FAM186B: variants seen among roughly 807,000 people sequenced by gnomAD.
FAM186B encodes family with sequence similarity 186 member B, also known as protein FAM186B.
A neutral mutation model predicts 83.4 loss-of-function variants in FAM186B; 68 were observed. That is an observed-to-expected ratio of 0.81 (90% CI 0.67 to 1.00). The LOEUF (loss-of-function observed/expected upper bound fraction) is 1.00. FAM186B is among the 50% of genes least tolerant of loss of function. The pLI is 0.00. For synonymous variants in FAM186B, 389 were observed against 422.0 expected, an observed-to-expected ratio of 0.92 and a Z score of 0.96; for missense variants, 983 against 1,099.2, an observed-to-expected ratio of 0.89 and a Z score of 1.49.
the FAM186B span, among the ~76,000 whole-genome samples, chr12:49,620,883 A>G: frequency 1.3e-5 from 2 of 152,230 alleles, no homozygotes; most frequent in East Asian, 3.8e-4. Flanking sequence ...TTAATGATTT[A>G]TAAGCAAGCT....
At chr12:49,587,877 T>A in intron 6 of FAM186B, 125 bp from the exon 7 acceptor site, 1 of 1,043,096 alleles carries the variant, frequency 9.6e-7, no homozygotes, top group Non-Finnish European at 1.4e-6. Flanking sequence ...AGTGTGTCAC[T>A]GCCCTCCTCA....
chr12:49,609,618 T>G (rs1940063999), upstream of FAM186B, among the ~76,000 whole-genome samples: 2 of 151,182 alleles, frequency 1.3e-5, no homozygotes, highest in Admixed American at 1.3e-4. Context: ...CAGTGCCCTC[T>G]GCATTCCACA....
chr12:49,599,797 C>T lies in FAM186B; in HGVS notation c.1843G>A (p.Glu615Lys), dbSNP rs773976789. The T allele has an allele frequency of 2.6e-5, 42 of 1,613,714 alleles. No individual in the cohort carries two copies. The highest frequency in any genetic ancestry group is 1.7e-5 in the Admixed American group (1 of 59,970). The change falls in exon 4 of 7, where the codon GAG becomes AAG. Residue 615 changes from glutamate to lysine, a missense_variant. Transcript: ENST00000257894. ...LGKQRPMSSV[E>K]FTYRPRTRRV... ...CGGGTCCGTGGTCTGTAGGTAAACT[C>T]CACTGAACTCATAGGTCTCTGCTTT... is the stretch of plus-strand genomic sequence containing the variant.
At chr12:49,604,257 C>G in intron 2 of FAM186B, 56 bp downstream of exon 2, 1 of 1,431,004 alleles carries the variant, frequency 7.0e-7, no homozygotes, top group Non-Finnish European at 9.8e-7. Flanking sequence ...TGTCCCTGTG[C>G]TCGCCACCCA....
Position 49,599,995 on chromosome 12 carries a change from C to G in FAM186B, c.1645G>C (p.Glu549Gln). The G allele has an allele frequency of 6.2e-7, 1 of 1,613,144 alleles. No individual in the cohort carries two copies. Among genetic ancestry groups the G allele is most frequent in the South Asian group, 1.1e-5 (1 of 90,920 alleles). ...CTCTCCACATCCTCCCCTAGCTGCTCTGGCTCTCTCCGTGGGCTCTCCTGC... is the reference window on the plus strand; with the variant it reads ...CTCTCCACATCCTCCCCTAGCTGCTGTGGCTCTCTCCGTGGGCTCTCCTGC... ...KEQESPRREP[E>Q]QLGEDVERRI... Residue 549 changes from glutamate to glutamine, a missense_variant, in exon 4 of 7, where the codon GAG becomes CAG. Physicochemically the swap from Glu to Gln is conservative, Grantham distance 29 (BLOSUM62 2). Coordinates refer to ENST00000257894, the MANE Select transcript of FAM186B (RefSeq NM_032130.3).
the FAM186B span, among the ~76,000 whole-genome samples, chr12:49,610,879 TTTTGGAGCTTGAAG>T: frequency 6.6e-6 from 1 of 151,402 alleles, no homozygotes; most frequent in African/African-American, 2.4e-5. Context: ...GAAGAAAGAA[TTTTGGAGCTTGAAG>T]TTTGGTCTTT....
At chr12:49,598,617 C>CCT (rs1939781980) in intron 5 of FAM186B, 138 bp downstream of exon 5, 1 of 781,054 alleles carries the variant, frequency 1.3e-6, no homozygotes, top group Non-Finnish European at 2.0e-6. Flanking sequence ...GAGGCTTTAT[C>CCT]CTGCCTTCTC....
At chr12:49,584,097 A>C (rs915203645), downstream of FAM186B, 1 of 188,416 alleles carries the variant, frequency 5.3e-6, no homozygotes, top group African/African-American at 2.4e-5. Flanking sequence ...GCTTTCATGC[A>C]GATCACTGGC....
rs1363581116 is a variant in FAM186B, at chr12:49,600,206, C to T, written c.1434G>A (p.Glu478=). ...SRQVTSESQE[E]PWEEEFGREM... is the part of the protein sequence containing the mutation. ...CCCGGCCGAATTCCTCCTCCCAGGG[C>T]TCCTCTTGGCTCTCAGAGGTCACCT... Residue 478 remains glutamate, a synonymous_variant, in exon 4 of 7, where the codon GAG becomes GAA. Coordinates refer to ENST00000257894, the MANE Select transcript of FAM186B (RefSeq NM_032130.3). The surrounding 1 kb of genome is among the most constrained non-coding windows in gnomAD (Gnocchi z 4.3). 2 of 1,612,378 alleles carry T rather than the reference C, an allele frequency of 1.2e-6. No homozygotes were observed. The highest frequency in any genetic ancestry group is 1.7e-5 in the Admixed American group (1 of 59,924).
At chr12:49,619,216 T>C in the FAM186B span, 1 of 194,106 alleles carries the variant, frequency 5.2e-6, no homozygotes, top group Non-Finnish European at 1.0e-5. Flanking sequence ...GATGATGGTC[T>C]CCTCAAAAAA....
At chr12:49,585,264 C>T (rs1939417068), downstream of FAM186B, among the ~76,000 whole-genome samples, 1 of 152,120 alleles carries the variant, frequency 6.6e-6, no homozygotes, top group South Asian at 2.1e-4. Flanking sequence ...GTGATCTGCC[C>T]ACCTCGGCCT....
Position 49,605,608 on chromosome 12 carries a change from C to G in FAM186B, c.-131G>C. 2 of 872,298 alleles carry G rather than the reference C, an allele frequency of 2.3e-6. No homozygotes were observed. The highest frequency in any genetic ancestry group is 5.8e-5 in the Admixed American group (2 of 34,438). The allele number at this position is 872,298 out of a possible 1,614,324, so 54.0% of individuals were successfully genotyped here. A position where few individuals can be genotyped will look rare whatever the true frequency, so the allele number is the denominator to read the frequency against. ...GGTACCCTCTGCCCAGGCACAGCTC[C>G]TCTGGTAACTGCCAAACACCAGGTT... On this transcript the variant is annotated 5_prime_UTR_variant, in exon 1 of 7. Coordinates refer to ENST00000257894, the MANE Select transcript of FAM186B (RefSeq NM_032130.3).
the FAM186B span, among the ~76,000 whole-genome samples, chr12:49,614,398 T>C: frequency 1.3e-5 from 2 of 152,008 alleles, no homozygotes; most frequent in Non-Finnish European, 1.5e-5. Context: ...TAGACAGCCA[T>C]AAAAAATAAT....
At position 49,605,572 on chromosome 12, in the gene FAM186B, G is replaced by C; in HGVS notation, c.-95C>G. The C allele has an allele frequency of 7.3e-7, 1 of 1,366,266 alleles. No homozygotes were observed. Among genetic ancestry groups the C allele is most frequent in the East Asian group, 2.5e-5 (1 of 40,468 alleles). The allele number at this position is 1,366,266 out of a possible 1,614,324, so 84.6% of individuals were successfully genotyped here. A position where few individuals can be genotyped will look rare whatever the true frequency, so the allele number is the denominator to read the frequency against. ...CTGCTTTGGAGGTTAAGGGCACCAG[G>C]GTGTCTCCTGGGTACCCTCTGCCCA... On this transcript the variant is annotated 5_prime_UTR_variant, in exon 1 of 7. Transcript: ENST00000257894.
At chr12:49,586,097 G>C (rs889124407), downstream of FAM186B, among the ~76,000 whole-genome samples, 2 of 152,224 alleles carry the variant, frequency 1.3e-5, no homozygotes, top group Admixed American at 6.5e-5. Context: ...CTGGTGGTGA[G>C]ATCAACGCAG....
Position 49,600,179 on chromosome 12 carries a change from C to T in FAM186B, c.1461G>A (p.Glu487=), listed in dbSNP as rs1939844443. 1.2e-6 allele frequency: 2 copies of T among 1,613,540 alleles called. No homozygotes were observed. Among genetic ancestry groups the T allele is most frequent in the Non-Finnish European group, 1.7e-6 (2 of 1,179,578 alleles). The change falls in exon 4 of 7, where the codon GAG becomes GAA. Residue 487 remains glutamate (E), a synonymous_variant. Coordinates refer to ENST00000257894, the MANE Select transcript of FAM186B (RefSeq NM_032130.3). The surrounding 1 kb of genome is among the most constrained non-coding windows in gnomAD (Gnocchi z 4.3). The part of the protein sequence containing the change: ...EEPWEEEFGR[E]MRRQLWLEEE... Reference sequence around the variant, plus strand: ...CCTCCAGCCACAGCTGCCTCCGCATCTCCCGGCCGAATTCCTCCTCCCAGG... The same window carrying T: ...CCTCCAGCCACAGCTGCCTCCGCATTTCCCGGCCGAATTCCTCCTCCCAGG...
Position 49,598,894 on chromosome 12 carries a change from T to C in FAM186B, c.2225A>G (p.Lys742Arg), listed in dbSNP as rs764738570. ...QIMKETEASY[K>R]AQNLYIFLEN... is the part of the protein sequence containing the mutation. ...CAGGAAGATGTAGAGGTTCTGGGCCTTGTAGGAAGCCTCCGTTTCTTTCAT... is the reference window on the plus strand; with the variant it reads ...CAGGAAGATGTAGAGGTTCTGGGCCCTGTAGGAAGCCTCCGTTTCTTTCAT... Residue 742 changes from lysine (K) to arginine (R), a missense_variant, in exon 5 of 7, where the codon AAG (lysine) becomes AGG (arginine). Lys to Arg is a conservative substitution (Grantham distance 26, BLOSUM62 2). Transcript: ENST00000257894. The C allele has an allele frequency of 1.2e-6, 2 of 1,613,444 alleles. No homozygotes were observed. The highest frequency in any genetic ancestry group is 1.7e-6 in the Non-Finnish European group (2 of 1,179,912).
the FAM186B span, among the ~76,000 whole-genome samples, chr12:49,622,158 C>CG: frequency 6.6e-6 from 1 of 152,250 alleles, no homozygotes; most frequent in African/African-American, 2.4e-5. Context: ...CGGCAGCCCC[C>CG]GGGGGAAGGT....
At chr12:49,621,355 G>A in the FAM186B span, among the ~76,000 whole-genome samples, 1 of 152,174 alleles carries the variant, frequency 6.6e-6, no homozygotes, top group African/African-American at 2.4e-5. Flanking sequence ...TGGGCAACAA[G>A]AGCGAGACTC....
Sources: allele counts gnomAD v4.1 joint callset (sites outside exome capture counted in the v4.1 genomes callset), GRCh38; gene constraint gnomAD v4.1.1; non-coding constraint Gnocchi (gnomAD v3.1); transcripts MANE v1.5; gene names NCBI Gene and HGNC (gene_info 2026-07-23, HGNC 2026-07-21).